POLR2M: variants seen among roughly 807,000 people sequenced by gnomAD.
POLR2M encodes the protein RNA polymerase II subunit M.
In POLR2M, 30 loss-of-function variants were observed where a neutral mutation model predicts 34.6. The ratio of observed to expected loss-of-function variants is 0.87; its 90% CI spans 0.65 to 1.18. The LOEUF is 1.18. POLR2M is among the 50% of genes most tolerant of loss of function. The probability of loss-of-function intolerance (pLI) is 0.00; values close to 1 mark genes in which losing one functional copy is unlikely to be tolerated. For synonymous variants in POLR2M, 150 were observed against 166.7 expected (o/e 0.90, Z 0.77); for missense variants, 432 against 448.7 (o/e 0.96, Z 0.34).
In POLR2M at chr15:57,709,101, A is replaced by T. The variant is rs768582197; in HGVS notation, c.501A>T (p.Glu167Asp). ...SNRDRVPPSSEASEHHPRHRV... is the reference protein window; with the variant it reads ...SNRDRVPPSSDASEHHPRHRV... ...GAGACAGGGTACCACCTTCATCTGAAGCTAGTGAGCATCACCCGCGGCATC... is the reference window on the plus strand; with the variant it reads ...GAGACAGGGTACCACCTTCATCTGATGCTAGTGAGCATCACCCGCGGCATC... The change falls in exon 2 of 4, where the codon GAA becomes GAT. Residue 167 changes from glutamate (E) to aspartate (D), a missense_variant. Physicochemically the swap from Glu to Asp is conservative, Grantham distance 45. Transcript: ENST00000299638. 11 of 1,614,190 alleles carry T rather than the reference A, an allele frequency of 6.8e-6. No individual in the cohort carries two copies. In the Admixed American group the frequency reaches 1.8e-4, roughly 27 times the overall value.
Position 57,709,111 on chromosome 15 carries a change from C to T in POLR2M, c.511C>T (p.His171Tyr). ...ACCACCTTCATCTGAAGCTAGTGAG[C>T]ATCACCCGCGGCATCGTGTTTCAAG... ...RVPPSSEASE[H>Y]HPRHRVSSQA... is the part of the protein sequence containing the mutation. Residue 171 changes from histidine to tyrosine, a missense_variant, in exon 2 of 4, where the codon CAT becomes TAT. Physicochemically the swap from His to Tyr is moderately conservative, Grantham distance 83 (BLOSUM62 2). Transcript: ENST00000299638. 1.2e-6 allele frequency: 2 copies of T among 1,614,186 alleles called. No homozygotes were observed. Among genetic ancestry groups the T allele is most frequent in the South Asian group, 1.1e-5 (1 of 91,072 alleles).
At chr15:57,707,705 G>A (rs956655660) in intron 1 of POLR2M, 5 of 362,168 alleles carry the variant, frequency 1.4e-5, no homozygotes, top group South Asian at 1.1e-4. Context: ...GAGAGGAATA[G>A]ATCCAAGGTT....
chr15:57,710,002 C>T (rs879600633), intron 2 of POLR2M, among the ~76,000 whole-genome samples: 1 of 152,070 alleles, frequency 6.6e-6, no homozygotes, highest in Non-Finnish European at 1.5e-5. Context: ...AACTCCTTTG[C>T]CTTTTTTGAT....
intron 2 of POLR2M, among the ~76,000 whole-genome samples, chr15:57,711,204 C>G (rs1327323581): frequency 7.9e-5 from 12 of 152,150 alleles, no homozygotes; most frequent in Non-Finnish European, 1.2e-4. Flanking sequence ...GCCATGAAGA[C>G]CTACTTATTT....
intron 1 of POLR2M, chr15:57,707,586 A>C (rs1595980633): frequency 2.2e-6 from 1 of 454,196 alleles, no homozygotes; most frequent in Non-Finnish European, 4.4e-6. Flanking sequence ...TGAGCTAGGA[A>C]GGGATTGGGA....
At chr15:57,709,416 A>C in intron 2 of POLR2M, 58 bp downstream of exon 2, 1 of 1,542,624 alleles carries the variant, frequency 6.5e-7, no homozygotes, top group African/African-American at 1.4e-5. Flanking sequence ...AAACTCAAAA[A>C]TTTACGAGAA....
intron 3 of POLR2M, among the ~76,000 whole-genome samples, chr15:57,712,818 A>T (rs1416467243): frequency 6.6e-6 from 1 of 152,178 alleles, no homozygotes; most frequent in African/African-American, 2.4e-5. Flanking sequence ...ATACAGAATA[A>T]TGGGATGGGA....
intron 1 of POLR2M, among the ~76,000 whole-genome samples, chr15:57,708,118 T>G (rs1172296831): frequency 6.6e-6 from 1 of 152,208 alleles, no homozygotes; most frequent in Non-Finnish European, 1.5e-5. Context: ...CGTTATACTT[T>G]AAGAATTATT....
chr15:57,716,931 C>T lies in POLR2M; in HGVS notation c.*2252C>T, dbSNP rs1259760893. ...CTAGTATTTTCTTATTTCACTTTTA[C>T]ACCTATCTTTAAAAGGAATTTAAAT... On this transcript the variant is annotated 3_prime_UTR_variant, in exon 4 of 4. Transcript: ENST00000299638. 3.3e-5 allele frequency: 5 copies of T among 152,108 alleles called. No homozygotes were observed. Among genetic ancestry groups the T allele is most frequent in the Non-Finnish European group, 7.4e-5 (5 of 68,016 alleles). 9.4% of individuals were successfully genotyped at this position (152,108 alleles called of 1,614,324 possible).
At chr15:57,710,848 C>A (rs1487344654) in intron 2 of POLR2M, among the ~76,000 whole-genome samples, 1 of 152,028 alleles carries the variant, frequency 6.6e-6, no homozygotes, top group African/African-American at 2.4e-5. Flanking sequence ...GAGAGGGTTC[C>A]GTGTGAGAGG....
intron 2 of POLR2M, 113 bp downstream of exon 2, chr15:57,709,471 G>C: frequency 7.9e-7 from 1 of 1,266,712 alleles, no homozygotes; most frequent in South Asian, 1.5e-5. Context: ...CTACTCAGGA[G>C]GCTGAGGTGG....
chr15:57,712,527 C>T (rs1231871860), intron 3 of POLR2M, among the ~76,000 whole-genome samples: 1 of 152,160 alleles, frequency 6.6e-6, no homozygotes, highest in African/African-American at 2.4e-5. Context: ...ACTCATGTGA[C>T]AGCTTCTCAG....
At position 57,716,841 on chromosome 15, in the gene POLR2M, A is replaced by C. The variant is rs1271734689; in HGVS notation, c.*2162A>C. On this transcript the variant is annotated 3_prime_UTR_variant, in exon 4 of 4. Transcript: ENST00000299638. ...TAGAAGTTGTTTTCTTTAGGAGTCT[A>C]CCTTTGTGTATGTGCTTGAAAGTAT... 2 of 152,146 alleles carry C rather than the reference A, an allele frequency of 1.3e-5. No individual in the cohort carries two copies. Among genetic ancestry groups the C allele is most frequent in the Non-Finnish European group, 2.9e-5 (2 of 68,010 alleles). 9.4% of individuals were successfully genotyped at this position (152,146 alleles called of 1,614,324 possible).
At chr15:57,707,130 C>G in intron 1 of POLR2M, 175 bp downstream of exon 1, 1 of 1,538,720 alleles carries the variant, frequency 6.5e-7, no homozygotes, top group Non-Finnish European at 8.8e-7. Context: ...AGCCGTGCCT[C>G]TTCCTGGCCA....
Position 57,716,784 on chromosome 15 carries a change from T to A in POLR2M, c.*2105T>A, listed in dbSNP as rs1191942754. 7 of 150,824 alleles carry A rather than the reference T, an allele frequency of 4.6e-5. No homozygotes were observed. In the South Asian group the frequency reaches 1.5e-3, roughly 32 times the overall value. 9.3% of individuals were successfully genotyped at this position (150,824 alleles called of 1,614,324 possible). A position where few individuals can be genotyped will look rare whatever the true frequency, so the allele number is the denominator to read the frequency against. Reference sequence around the variant, plus strand: ...TATTGTAACTTTTTTTAGCCTTATTTGTCATTTAACATAGTTTGTGGTATT... The same window carrying A: ...TATTGTAACTTTTTTTAGCCTTATTAGTCATTTAACATAGTTTGTGGTATT... On this transcript the variant is annotated 3_prime_UTR_variant, in exon 4 of 4. Transcript: ENST00000299638.
intron 2 of POLR2M, among the ~76,000 whole-genome samples, chr15:57,710,412 G>T (rs990816093): frequency 2.0e-5 from 3 of 152,112 alleles, no homozygotes; most frequent in Non-Finnish European, 2.9e-5. Context: ...ACCTTTCTTT[G>T]AAAAACAGAA....
intron 1 of POLR2M, 172 bp downstream of exon 1, chr15:57,707,127 C>G (rs1382758236): frequency 6.5e-7 from 1 of 1,539,884 alleles, no homozygotes; most frequent in African/African-American, 1.4e-5. Flanking sequence ...CAGAGCCGTG[C>G]CTCTTCCTGG....
At position 57,714,915 on chromosome 15, in the gene POLR2M, G is replaced by A. The variant is rs1257551824; in HGVS notation, c.*236G>A. On this transcript the variant is annotated 3_prime_UTR_variant, in exon 4 of 4. Coordinates refer to ENST00000299638, the MANE Select transcript of POLR2M (RefSeq NM_015532.5). ...GTATTAAAATTTTGCAATATATTGT[G>A]TATTGGTCTGATATTTTAGTATATA... 1.2e-5 allele frequency: 7 copies of A among 560,874 alleles called. No homozygotes were observed. Among genetic ancestry groups the A allele is most frequent in the East Asian group, 3.6e-5 (1 of 27,988 alleles). 34.7% of individuals were successfully genotyped at this position (560,874 alleles called of 1,614,324 possible). A position where few individuals can be genotyped will look rare whatever the true frequency, so the allele number is the denominator to read the frequency against.
intron 3 of POLR2M, among the ~76,000 whole-genome samples, chr15:57,714,160 T>A (rs2040852631): frequency 6.6e-6 from 1 of 152,176 alleles, no homozygotes; most frequent in South Asian, 2.1e-4. Flanking sequence ...GCATTAGTCA[T>A]TTTTGACATT....
Sources: allele counts gnomAD v4.1 joint callset (sites outside exome capture counted in the v4.1 genomes callset), GRCh38; gene constraint gnomAD v4.1.1; transcripts MANE v1.5; gene names NCBI Gene and HGNC (gene_info 2026-07-23, HGNC 2026-07-21).